Variants in FGF14 observed in about 807,000 individuals in gnomAD.
The protein encoded by FGF14 is fibroblast growth factor homologous factor 4.
In FGF14, 5 loss-of-function variants were observed where a neutral mutation model predicts 25.5. That is an observed-to-expected ratio of 0.20 (90% CI 0.10 to 0.41). The LOEUF is 0.41. Ranked by LOEUF, FGF14 falls within the 10% of genes least tolerant of loss-of-function variation. The pLI, the probability that FGF14 is intolerant of heterozygous loss-of-function variation, is 1.00. For synonymous variants in FGF14, 138 were observed against 118.3 expected, an observed-to-expected ratio of 1.17 and a Z score of -1.08; for missense variants, 222 against 320.1, an observed-to-expected ratio of 0.69 and a Z score of 2.34.
At chr13:101,926,890 T>C (rs1439929705) in intron 1 of FGF14, among the ~76,000 whole-genome samples, 1 of 152,174 alleles carries the variant, frequency 6.6e-6, no homozygotes, top group Non-Finnish European at 1.5e-5. Flanking sequence ...TGACTGCAAA[T>C]GGAAAGGTGC....
intron 2 of FGF14, among the ~76,000 whole-genome samples, chr13:101,874,114 T>G (rs973213775): frequency 6.6e-6 from 1 of 152,118 alleles, no homozygotes; most frequent in African/African-American, 2.4e-5. Flanking sequence ...AATAACCTAT[T>G]TTGTATCGCT....
chr13:101,989,497 A>G (rs575262166), intron 1 of FGF14, among the ~76,000 whole-genome samples: 9 of 152,236 alleles, frequency 5.9e-5, no homozygotes, highest in African/African-American at 1.9e-4. Flanking sequence ...AGTCAATTTC[A>G]CAGTGACTAT....
intron 1 of FGF14, among the ~76,000 whole-genome samples, chr13:102,383,592 T>A (rs1334373176): frequency 1.3e-5 from 2 of 152,130 alleles, no homozygotes; most frequent in Admixed American, 1.3e-4. Context: ...GTCCAATGAG[T>A]AGAATCTCCT....
At chr13:102,357,760 G>T (rs2057459296) in intron 1 of FGF14, among the ~76,000 whole-genome samples, 1 of 152,098 alleles carries the variant, frequency 6.6e-6, no homozygotes. Flanking sequence ...TTCTTGTCTG[G>T]TAGGCAAGGT....
intron 1 of FGF14, among the ~76,000 whole-genome samples, chr13:102,072,474 G>C (rs1157191691): frequency 6.6e-6 from 1 of 152,106 alleles, no homozygotes; most frequent in Admixed American, 6.5e-5. Context: ...CCCAAAGAAA[G>C]AAATATTTAA....
At position 101,784,764 on chromosome 13, in the gene FGF14, G is replaced by A. The variant is rs117561999; in HGVS notation, c.409-57954C>T. On this transcript the variant is annotated intron_variant, in intron 3 of 4. Coordinates refer to ENST00000376143, the MANE Select transcript of FGF14 (RefSeq NM_004115.4). ...AGCATGTGTTTATGAAACACCTGCTGTGTGTCTTGAACTGTTTAAGACAAT... is the reference window on the plus strand; with the variant it reads ...AGCATGTGTTTATGAAACACCTGCTATGTGTCTTGAACTGTTTAAGACAAT... Among the ~76,000 whole-genome samples, 886 of 152,254 alleles carry A rather than the reference G, an allele frequency of 5.8e-3. 23 individuals carry two copies. The highest frequency in any genetic ancestry group is 0.044 in the East Asian group (226 of 5,182).
At chr13:101,965,675 G>GTTTTTTTT (rs201323636) in intron 1 of FGF14, among the ~76,000 whole-genome samples, 1 of 143,630 alleles carries the variant, frequency 7.0e-6, no homozygotes, top group Non-Finnish European at 1.5e-5. Flanking sequence ...TTTTGTGTTA[G>GTTTTTTTT]TTTTTTTTTT....
chr13:101,737,058 T>C (rs2036241963), intron 3 of FGF14, among the ~76,000 whole-genome samples: 1 of 148,996 alleles, frequency 6.7e-6, no homozygotes, highest in African/African-American at 2.4e-5. Context: ...CCTTATGTTT[T>C]ATAAGCATTG....
At chr13:101,823,165 C>T (rs1030660137) in intron 3 of FGF14, among the ~76,000 whole-genome samples, 14 of 152,054 alleles carry the variant, frequency 9.2e-5, no homozygotes, top group African/African-American at 2.4e-4. Context: ...CTGCTATAAA[C>T]GTTTGAATAC....
intron 1 of FGF14, among the ~76,000 whole-genome samples, chr13:101,999,918 C>A (rs937054547): frequency 1.5e-4 from 23 of 152,152 alleles, no homozygotes; most frequent in African/African-American, 5.3e-4. Context: ...ACTCAAATTC[C>A]TTGAGTTTCT....
intron 3 of FGF14, among the ~76,000 whole-genome samples, chr13:101,756,860 T>C (rs1340472299): frequency 6.6e-6 from 1 of 152,224 alleles, no homozygotes; most frequent in Non-Finnish European, 1.5e-5. Context: ...ATTTTTTCTG[T>C]CAATAATTAT....
chr13:101,891,419 T>C (rs1050353268), intron 1 of FGF14, among the ~76,000 whole-genome samples: 2 of 152,144 alleles, frequency 1.3e-5, no homozygotes, highest in Non-Finnish European at 2.9e-5. Context: ...ACCTAATGCC[T>C]AGTAGTAATA....
intron 1 of FGF14, among the ~76,000 whole-genome samples, chr13:102,230,547 G>C (rs2140990597): frequency 6.6e-6 from 1 of 152,264 alleles, no homozygotes; most frequent in East Asian, 1.9e-4. Flanking sequence ...TTCCAGTGTT[G>C]GGGAGTGGGC....
At position 101,713,281 on chromosome 13, in the gene FGF14, C is replaced by A. The variant is rs534187335; in HGVS notation, c.*9550G>T. 1.6e-4 allele frequency: 24 copies of A among 152,276 alleles called. No individual in the cohort carries two copies. Among genetic ancestry groups the A allele is most frequent in the African/African-American group, 5.3e-4 (22 of 41,572 alleles). 9.4% of individuals were successfully genotyped at this position (152,276 alleles called of 1,614,324 possible). On this transcript the variant is annotated 3_prime_UTR_variant, in exon 5 of 5. Coordinates refer to ENST00000376143, the MANE Select transcript of FGF14 (RefSeq NM_004115.4). The stretch of plus-strand genomic sequence containing the variant: ...TCCTTTTTCCTGATCACTTTAATCA[C>A]CCAGGCTGTTAACTCATTTTTAATC...
At chr13:102,195,252 C>A (rs1284834543) in intron 1 of FGF14, among the ~76,000 whole-genome samples, 1 of 152,006 alleles carries the variant, frequency 6.6e-6, no homozygotes, top group East Asian at 1.9e-4. Flanking sequence ...GTAATTTTTT[C>A]CCTGTTTATT....
intron 1 of FGF14, among the ~76,000 whole-genome samples, chr13:102,331,980 A>G (rs999310379): frequency 6.6e-6 from 1 of 152,186 alleles, no homozygotes; most frequent in African/African-American, 2.4e-5. Context: ...CACCCAACAC[A>G]ATAAATATTT....
intron 1 of FGF14, among the ~76,000 whole-genome samples, chr13:102,161,664 GAAGAAGAAGAAGAAGAA>G (rs2047746456): frequency 3.1e-5 from 1 of 32,438 alleles, no homozygotes. Flanking sequence ...AGAAGAAGAA[GAAGAAGAAGAAGAAGAA>G]GAAGAAGAAG....
intron 1 of FGF14, among the ~76,000 whole-genome samples, chr13:101,995,526 A>G (rs2039132450): frequency 6.6e-6 from 1 of 152,186 alleles, no homozygotes; most frequent in Non-Finnish European, 1.5e-5. Flanking sequence ...TTTAACAAGC[A>G]TGTAAGTACA....
At chr13:101,973,807 C>G (rs2037760691) in intron 1 of FGF14, among the ~76,000 whole-genome samples, 1 of 152,184 alleles carries the variant, frequency 6.6e-6, no homozygotes, top group African/African-American at 2.4e-5. Flanking sequence ...CCCTCACAGA[C>G]ACACCCAGGA....
Sources: gnomAD v4.1 joint callset for allele counts (sites outside exome capture counted in the v4.1 genomes callset) on GRCh38, gnomAD v4.1.1 for gene constraint, MANE v1.5 for transcripts, NCBI Gene and HGNC (gene_info 2026-07-23, HGNC 2026-07-21) for gene names.